Variants in MIB1 observed in about 807,000 individuals in gnomAD.
MIB1 encodes MIB E3 ubiquitin protein ligase 1.
Under a neutral mutation model 124.5 loss-of-function variants are expected in MIB1, and 278 were observed. That is an observed-to-expected ratio of 2.23 (90% CI 2.02 to 2.47). The LOEUF is 2.47. MIB1 is among the 30% of genes most tolerant of loss of function. The probability of loss-of-function intolerance (pLI) is 0.00; values close to 1 mark genes in which losing one functional copy is unlikely to be tolerated. For synonymous variants in MIB1, 446 were observed against 429.4 expected (o/e 1.04, Z -0.48); for missense variants, 957 against 1,254.4 (o/e 0.76, Z 3.58).
At chr18:21,823,953 T>A (rs2041902426) in intron 12 of MIB1, among the ~76,000 whole-genome samples, 1 of 152,182 alleles carries the variant, frequency 6.6e-6, no homozygotes, top group East Asian at 1.9e-4. Context: ...TGGAGTAGCA[T>A]AATCAGCATG....
chr18:21,813,232 A>G (rs575210844), intron 10 of MIB1, among the ~76,000 whole-genome samples: 6 of 152,168 alleles, frequency 3.9e-5, no homozygotes, highest in Admixed American at 3.3e-4. Context: ...AACAGAAAAA[A>G]AAAAAAAGAC....
intron 6 of MIB1, among the ~76,000 whole-genome samples, chr18:21,787,218 T>C (rs2041446177): frequency 6.6e-6 from 1 of 152,094 alleles, no homozygotes. Flanking sequence ...CATCCTGAAT[T>C]GGGCGGGAAG....
chr18:21,711,114 A>G (rs2146352358), intron 1 of MIB1, among the ~76,000 whole-genome samples: 1 of 152,248 alleles, frequency 6.6e-6, no homozygotes, highest in African/African-American at 2.4e-5. Context: ...GGCGTGAGCC[A>G]CTGAACTTGG....
At chr18:21,808,100 A>C (rs1353488985) in intron 10 of MIB1, among the ~76,000 whole-genome samples, 1 of 152,236 alleles carries the variant, frequency 6.6e-6, no homozygotes, top group African/African-American at 2.4e-5. Flanking sequence ...ATGTTAAAAA[A>C]CTTTATTACA....
intron 3 of MIB1, among the ~76,000 whole-genome samples, chr18:21,772,257 G>A (rs2041232039): frequency 6.6e-6 from 1 of 152,134 alleles, no homozygotes; most frequent in Non-Finnish European, 1.5e-5. Flanking sequence ...ACTTCAGCCT[G>A]TCATTCTAAG....
chr18:21,848,894 T>C (rs912412464), intron 16 of MIB1, among the ~76,000 whole-genome samples: 3 of 152,172 alleles, frequency 2.0e-5, no homozygotes, highest in South Asian at 4.1e-4. Flanking sequence ...CTGAGCAAAA[T>C]TTTGTTTATG....
At chr18:21,782,715 G>A (rs1056159923) in intron 6 of MIB1, among the ~76,000 whole-genome samples, 7 of 152,062 alleles carry the variant, frequency 4.6e-5, no homozygotes, top group African/African-American at 1.4e-4. Context: ...AATGTTCCTC[G>A]TGCTGATGAG....
intron 18 of MIB1, among the ~76,000 whole-genome samples, chr18:21,855,285 C>T (rs1448992353): frequency 6.6e-6 from 1 of 152,216 alleles, no homozygotes; most frequent in Non-Finnish European, 1.5e-5. Flanking sequence ...ACCCCCATCG[C>T]AGTCATGTTA....
chr18:21,828,374 A>G (rs1167402980), intron 12 of MIB1: 2 of 151,908 alleles, frequency 1.3e-5, no homozygotes, highest in Non-Finnish European at 2.9e-5. Flanking sequence ...TTAACTTCAC[A>G]TTTAAAGTAG....
chr18:21,838,874 A>G (rs2042057768), intron 13 of MIB1, among the ~76,000 whole-genome samples: 1 of 152,210 alleles, frequency 6.6e-6, no homozygotes, highest in African/African-American at 2.4e-5. Flanking sequence ...GCCAGTTGTC[A>G]TCAGACTGCA....
At chr18:21,714,593 C>T (rs1367989846) in intron 1 of MIB1, among the ~76,000 whole-genome samples, 1 of 152,142 alleles carries the variant, frequency 6.6e-6, no homozygotes, top group Non-Finnish European at 1.5e-5. Context: ...AGTATCCTCC[C>T]ATGCTGAATC....
Position 21,847,070 on chromosome 18 carries a change from T to C in MIB1, c.2338T>C (p.Cys780Arg). 2 of 1,613,900 alleles carry C rather than the reference T, an allele frequency of 1.2e-6. No homozygotes were observed. The highest frequency in any genetic ancestry group is 1.7e-6 in the Non-Finnish European group (2 of 1,179,762). ...GAAGGGTCAATCGCCACTTGATCTC[T>C]GTCCTGATCCGAATCTCTGCAAAGC... The part of the protein sequence containing the change: ...NKKGQSPLDL[C>R]PDPNLCKALA... The change falls in exon 16 of 21, where the codon TGT becomes CGT. Residue 780 changes from cysteine to arginine, a missense_variant. Coordinates refer to ENST00000261537, the MANE Select transcript of MIB1 (RefSeq NM_020774.4).
Position 21,779,606 on chromosome 18 carries a change from G to T in MIB1, c.829G>T (p.Glu277Ter). 6.2e-7 allele frequency: 1 copy of T among 1,614,084 alleles called. No individual in the cohort carries two copies. Among genetic ancestry groups the T allele is most frequent in the Non-Finnish European group, 8.5e-7 (1 of 1,179,966 alleles). ...TGGAGGATGGACTGATGGAATGTTT[G>T]AGACTTTAACTACAACTGGAACTGT... Reference protein sequence around the residue: ...GHGGWTDGMFETLTTTGTVCG... With the variant: ...GHGGWTDGMF Residue 277 changes from glutamate to a stop codon, truncating the protein, a stop_gained, in exon 6 of 21, where the codon GAG (glutamate) becomes TAG (stop). Transcript: ENST00000261537. LOFTEE classifies it high-confidence loss of function.
chr18:21,728,960 A>C (rs2040755329), intron 1 of MIB1, among the ~76,000 whole-genome samples: 1 of 152,184 alleles, frequency 6.6e-6, no homozygotes, highest in Non-Finnish European at 1.5e-5. Flanking sequence ...CAGGTATCCC[A>C]GGGTTGTGGC....
chr18:21,746,285 A>G (rs1304152262), intron 1 of MIB1, among the ~76,000 whole-genome samples: 7 of 152,126 alleles, frequency 4.6e-5, no homozygotes, highest in Non-Finnish European at 8.8e-5. Flanking sequence ...TACATTTTGA[A>G]GATTTTGTCT....
chr18:21,821,051 G>C (rs1293103638), intron 12 of MIB1, among the ~76,000 whole-genome samples: 2 of 152,016 alleles, frequency 1.3e-5, no homozygotes, highest in Non-Finnish European at 2.9e-5. Flanking sequence ...CTTCCAACTA[G>C]TTTTAAAATT....
chr18:21,709,816 A>G (rs2040657770), intron 1 of MIB1, among the ~76,000 whole-genome samples: 1 of 152,210 alleles, frequency 6.6e-6, no homozygotes, highest in Non-Finnish European at 1.5e-5. Context: ...TTCCTGACAG[A>G]GATGTGAGCA....
intron 12 of MIB1, among the ~76,000 whole-genome samples, chr18:21,823,813 TA>T (rs1265517154): frequency 6.6e-6 from 1 of 152,228 alleles, no homozygotes; most frequent in Admixed American, 6.5e-5. Flanking sequence ...TTCTGATAGT[TA>T]ATATTTATAG....
Position 21,779,528 on chromosome 18 carries a change from CT to C in MIB1, c.752del (p.Leu251ArgfsTer2). On this transcript the variant is annotated frameshift_variant, in exon 6 of 21. Coordinates refer to ENST00000261537, the MANE Select transcript of MIB1 (RefSeq NM_020774.4). LOFTEE classifies it high-confidence loss of function. Reference sequence around the variant, plus strand: ...TCCTGGTGGATTGCAGATTGGTGACCTGGTAAATATAGATCTCGACCTCGAA... The same window carrying C: ...TCCTGGTGGATTGCAGATTGGTGACCGGTAAATATAGATCTCGACCTCGAA... ...RNPGGLQIGD[L>X]VNIDLDLEIV... 6.2e-7 allele frequency: 1 copy of C among 1,614,006 alleles called. No homozygotes were observed. The highest frequency in any genetic ancestry group is 8.5e-7 in the Non-Finnish European group (1 of 1,179,958).
Sources: allele counts gnomAD v4.1 joint callset (sites outside exome capture counted in the v4.1 genomes callset), GRCh38; gene constraint gnomAD v4.1.1; transcripts MANE v1.5; gene names NCBI Gene and HGNC (gene_info 2026-07-23, HGNC 2026-07-21).